The following TMEM132D variants were observed in gnomAD, a reference collection of about 807,000 sequenced individuals.
TMEM132D encodes the protein transmembrane protein 132D, also known as mature OL transmembrane protein.
A neutral mutation model predicts 62.3 loss-of-function variants in TMEM132D; 21 were observed. The observed-to-expected ratio is 0.34, with a 90% CI of 0.24 to 0.49. TMEM132D has a LOEUF of 0.49. TMEM132D is among the 20% of genes least tolerant of loss of function. TMEM132D has a pLI of 0.99. For synonymous variants in TMEM132D, 621 were observed against 575.6 expected (o/e 1.08, Z -1.13); for missense variants, 1,346 against 1,402.8 (o/e 0.96, Z 0.65).
chr12:129,292,830 G>A (rs770458163), intron 4 of TMEM132D, among the ~76,000 whole-genome samples: 5 of 152,156 alleles, frequency 3.3e-5, no homozygotes, highest in East Asian at 1.9e-4. Flanking sequence ...CTTGGCTTTC[G>A]ATTTCCAAAA....
At chr12:129,707,371 A>G (rs1044355400) in intron 1 of TMEM132D, among the ~76,000 whole-genome samples, 1 of 151,864 alleles carries the variant, frequency 6.6e-6, no homozygotes, top group African/African-American at 2.4e-5. Flanking sequence ...TCATACAAAA[A>G]TTTCCATAAA....
intron 3 of TMEM132D, among the ~76,000 whole-genome samples, chr12:129,509,181 G>C (rs1360247472): frequency 6.6e-6 from 1 of 152,138 alleles, no homozygotes; most frequent in Non-Finnish European, 1.5e-5. Context: ...AGAGAAACTT[G>C]TTCTCTCCTA....
intron 4 of TMEM132D, among the ~76,000 whole-genome samples, chr12:129,222,620 G>C (rs1879378272): frequency 6.6e-6 from 1 of 152,072 alleles, no homozygotes; most frequent in Admixed American, 6.6e-5. Context: ...TCTATTGGCT[G>C]TATTTATAAT....
At chr12:129,471,485 C>T (rs1034623591) in intron 3 of TMEM132D, among the ~76,000 whole-genome samples, 10 of 152,298 alleles carry the variant, frequency 6.6e-5, no homozygotes, top group Admixed American at 2.0e-4. Flanking sequence ...CACCAACCAG[C>T]TGTTCCTCCA....
chr12:129,130,530 A>C (rs1013247162), intron 5 of TMEM132D, among the ~76,000 whole-genome samples: 33 of 152,146 alleles, frequency 2.2e-4, no homozygotes, highest in African/African-American at 7.7e-4. Context: ...GCCACGTTCT[A>C]GAACGTTCTT....
intron 3 of TMEM132D, among the ~76,000 whole-genome samples, chr12:129,448,069 T>C (rs1355108240): frequency 6.6e-6 from 1 of 152,174 alleles, no homozygotes; most frequent in Non-Finnish European, 1.5e-5. Flanking sequence ...GCAGAATGAA[T>C]GCATGAGGGA....
intron 2 of TMEM132D, among the ~76,000 whole-genome samples, chr12:129,634,118 C>T (rs2137169323): frequency 6.6e-6 from 1 of 152,286 alleles, no homozygotes; most frequent in East Asian, 1.9e-4. Context: ...GTGGGAAGGC[C>T]TCCACAGCAG....
intron 3 of TMEM132D, among the ~76,000 whole-genome samples, chr12:129,352,441 T>TC (rs1869897026): frequency 1.7e-4 from 1 of 5,770 alleles, no homozygotes; most frequent in African/African-American, 2.3e-4. Flanking sequence ...CCACTTTACT[T>TC]TTTTTTTTTT....
chr12:129,654,973 A>G (rs543410587), intron 2 of TMEM132D, among the ~76,000 whole-genome samples: 50 of 151,334 alleles, frequency 3.3e-4, no homozygotes, highest in Non-Finnish European at 7.1e-4. Flanking sequence ...TTTGAGACGG[A>G]GTCTTGCTCT....
At chr12:129,890,360 T>C (rs1874882466) in intron 1 of TMEM132D, among the ~76,000 whole-genome samples, 1 of 152,236 alleles carries the variant, frequency 6.6e-6, no homozygotes, top group Middle Eastern at 3.4e-3. Context: ...CCCTACACCA[T>C]AGGTGCTGAA....
chr12:129,824,474 G>GT (rs1398201677), intron 1 of TMEM132D, among the ~76,000 whole-genome samples: 3 of 151,484 alleles, frequency 2.0e-5, no homozygotes, highest in Admixed American at 6.6e-5. Flanking sequence ...TGAAGCCCTC[G>GT]CCCCAAGTAT....
At chr12:129,665,897 C>T (rs938119623) in intron 2 of TMEM132D, among the ~76,000 whole-genome samples, 16 of 152,090 alleles carry the variant, frequency 1.1e-4, no homozygotes, top group African/African-American at 3.9e-4. Flanking sequence ...AGCTTTTTTT[C>T]AGTAATTGAG....
Position 129,150,872 on chromosome 12 carries a change from G to C in TMEM132D, c.1443+58648C>G, listed in dbSNP as rs137940440. 3.0e-3 allele frequency among the ~76,000 whole-genome samples: 461 copies of C among 152,312 alleles called. 3 individuals are homozygous for C. The highest frequency in any genetic ancestry group is 0.01 in the African/African-American group (421 of 41,580). The stretch of plus-strand genomic sequence containing the variant: ...TAGAGGTGGGGTTTGGCCTGCCAGG[G>C]GTCCCTGGGCTCACCCTGTCTCCTG... On this transcript the variant is annotated intron_variant, in intron 5 of 8. Transcript: ENST00000422113.
chr12:129,109,788 C>A, intron 5 of TMEM132D: 1 of 161,010 alleles, frequency 6.2e-6, no homozygotes, highest in Non-Finnish European at 1.3e-5. Context: ...TTTTGTTCCC[C>A]GTTTTGGGTA....
At chr12:129,158,243 T>C (rs959551634) in intron 5 of TMEM132D, among the ~76,000 whole-genome samples, 5 of 152,168 alleles carry the variant, frequency 3.3e-5, no homozygotes, top group Admixed American at 6.5e-5. Context: ...ACATGTACAT[T>C]AGACCTAATG....
intron 1 of TMEM132D, among the ~76,000 whole-genome samples, chr12:129,875,878 A>T (rs1874402535): frequency 2.6e-5 from 4 of 152,214 alleles, no homozygotes; most frequent in African/African-American, 9.6e-5. Context: ...CAAACACAAC[A>T]TGTCCATCAG....
chr12:129,520,207 G>A (rs982988173), intron 3 of TMEM132D, among the ~76,000 whole-genome samples: 15 of 152,236 alleles, frequency 9.9e-5, no homozygotes, highest in African/African-American at 2.6e-4. Flanking sequence ...CCAACTGTGC[G>A]TTTAGCTGGA....
intron 1 of TMEM132D, among the ~76,000 whole-genome samples, chr12:129,874,062 G>A (rs1874336561): frequency 1.3e-5 from 2 of 152,164 alleles, no homozygotes; most frequent in South Asian, 4.1e-4. Context: ...TTTCTAAGAT[G>A]AATACATCAT....
intron 5 of TMEM132D, among the ~76,000 whole-genome samples, chr12:129,092,135 G>C (rs556668983): frequency 2.0e-4 from 30 of 152,204 alleles, no homozygotes; most frequent in Non-Finnish European, 3.2e-4. Flanking sequence ...ACACTGTTCC[G>C]TTATAGGGAT....
Sources: gnomAD v4.1 joint callset for allele counts (sites outside exome capture counted in the v4.1 genomes callset) on GRCh38, gnomAD v4.1.1 for gene constraint, MANE v1.5 for transcripts, NCBI Gene and HGNC (gene_info 2026-07-23, HGNC 2026-07-21) for gene names.